Variants in BICD1 observed in about 807,000 individuals in gnomAD.
The protein encoded by BICD1 is BICD cargo adaptor 1.
A neutral mutation model predicts 92.5 loss-of-function variants in BICD1; 35 were observed. That is an observed-to-expected ratio of 0.38 (90% CI 0.29 to 0.50). The LOEUF (loss-of-function observed/expected upper bound fraction) is 0.50, where lower values mean the gene tolerates loss of function less well. BICD1 is among the 20% of genes least tolerant of loss of function. BICD1 has a pLI of 0.93. For missense variants in BICD1, 950 were observed against 1,189.8 expected, an observed-to-expected ratio of 0.80 and a Z score of 2.97; for synonymous variants, 429 against 465.1, an observed-to-expected ratio of 0.92 and a Z score of 1.00.
intron 4 of BICD1, among the ~76,000 whole-genome samples, chr12:32,315,079 T>C (rs1948465450): frequency 6.6e-6 from 1 of 152,256 alleles, no homozygotes; most frequent in Admixed American, 6.5e-5. Flanking sequence ...AAGAGTTTTA[T>C]AGTTTATCTC....
intron 1 of BICD1, among the ~76,000 whole-genome samples, chr12:32,165,390 C>A (rs1454366050): frequency 6.6e-6 from 1 of 152,142 alleles, no homozygotes; most frequent in Non-Finnish European, 1.5e-5. Context: ...GTGGCGGGCG[C>A]TTGTAGTCCC....
At chr12:32,206,680 C>G (rs1450299416) in intron 1 of BICD1, among the ~76,000 whole-genome samples, 4 of 152,146 alleles carry the variant, frequency 2.6e-5, no homozygotes, top group African/African-American at 7.2e-5. Context: ...AAGTTAAATG[C>G]CCAACAGTGT....
At chr12:32,174,887 G>A (rs1031355717) in intron 1 of BICD1, among the ~76,000 whole-genome samples, 7 of 152,168 alleles carry the variant, frequency 4.6e-5, no homozygotes, top group African/African-American at 1.4e-4. Flanking sequence ...AGCATGAAAT[G>A]TATGTATTTC....
At chr12:32,260,420 G>A (rs1349209935) in intron 2 of BICD1, among the ~76,000 whole-genome samples, 1 of 152,154 alleles carries the variant, frequency 6.6e-6, no homozygotes, top group Non-Finnish European at 1.5e-5. Context: ...TGTCTTCTCT[G>A]CAGCAGTGCC....
chr12:32,348,570 T>C (rs1277444991), intron 8 of BICD1, among the ~76,000 whole-genome samples: 1 of 151,778 alleles, frequency 6.6e-6, no homozygotes, highest in East Asian at 1.9e-4. Context: ...TTGCTGAGGA[T>C]AGCGGCCTTC....
chr12:32,346,560 ATATATATATATATATATATATACGTG>A (rs1938591843), intron 8 of BICD1, among the ~76,000 whole-genome samples: 4 of 21,158 alleles, frequency 1.9e-4, no homozygotes, highest in Admixed American at 6.1e-4. Context: ...ATATATATAT[ATATATATATATATATATATATACGTG>A]TATATATATA....
At chr12:32,255,947 T>G (rs1486034213) in intron 2 of BICD1, among the ~76,000 whole-genome samples, 1 of 152,144 alleles carries the variant, frequency 6.6e-6, no homozygotes. Context: ...TTAATGATAA[T>G]ATTATTAATT....
At chr12:32,287,535 TTTTTTTTG>T (rs1188235802) in intron 2 of BICD1, among the ~76,000 whole-genome samples, 1 of 129,598 alleles carries the variant, frequency 7.7e-6, no homozygotes, top group Non-Finnish European at 1.8e-5. Flanking sequence ...GGTGGTGTTT[TTTTTTTTG>T]TTTTTTTTTT....
Position 32,379,924 on chromosome 12 carries a change from G to A in BICD1, c.*2297G>A, listed in dbSNP as rs1233013689. 2.0e-5 allele frequency: 3 copies of A among 152,080 alleles called. No homozygotes were observed. Among genetic ancestry groups the A allele is most frequent in the African/African-American group, 7.2e-5 (3 of 41,386 alleles). The allele number at this position is 152,080 out of a possible 1,614,324, so 9.4% of individuals were successfully genotyped here. A position where few individuals can be genotyped will look rare whatever the true frequency, so the allele number is the denominator to read the frequency against. ...ATTTGCATTCTTTATCCCTAACTCT[G>A]AATCTAGGACTCCATGAAAAGCCGG... is the stretch of plus-strand genomic sequence containing the variant. On this transcript the variant is annotated 3_prime_UTR_variant, in exon 10 of 10. Coordinates refer to ENST00000652176, the MANE Select transcript of BICD1 (RefSeq NM_001714.4).
intron 2 of BICD1, among the ~76,000 whole-genome samples, chr12:32,242,302 G>T (rs549737681): frequency 6.6e-6 from 1 of 150,560 alleles, no homozygotes; most frequent in Non-Finnish European, 1.5e-5. Context: ...AAGGCAGGTG[G>T]ATCGCTTGAG....
rs142719609 is a variant in BICD1 at position 32,229,822 on chromosome 12, G to A, written c.426+13363G>A. ...TTTTAAGATGGAAGAAATAACATTTGTGAATGCTAATGGCCATGACCCCAT... is the reference window on the plus strand; with the variant it reads ...TTTTAAGATGGAAGAAATAACATTTATGAATGCTAATGGCCATGACCCCAT... On this transcript the variant is annotated intron_variant, in intron 2 of 9. Transcript: ENST00000652176. Among the ~76,000 whole-genome samples, 499 of 152,244 alleles carry A rather than the reference G, an allele frequency of 3.3e-3. 2 individuals are homozygous for A. Among genetic ancestry groups the A allele is most frequent in the African/African-American group, 0.011 (471 of 41,556 alleles).
In BICD1 at chr12:32,172,804, A is replaced by G. The variant is rs1315529929; in HGVS notation, c.214-43443A>G. 2.0e-5 allele frequency among the ~76,000 whole-genome samples: 3 copies of G among 152,194 alleles called. No individual in the cohort carries two copies. In the East Asian group the frequency reaches 5.8e-4, roughly 29 times the overall value. On this transcript the variant is annotated intron_variant, in intron 1 of 9. Coordinates refer to ENST00000652176, the MANE Select transcript of BICD1 (RefSeq NM_001714.4). ...GATCCACTGCTAAATAAGACTGATA[A>G]GGTCTTTGCTCTTAAGGAGATTCCA...
chr12:32,344,163 G>T (rs1436123752), intron 8 of BICD1, among the ~76,000 whole-genome samples: 1 of 152,176 alleles, frequency 6.6e-6, no homozygotes, highest in African/African-American at 2.4e-5. Context: ...AATTAGGATG[G>T]TTAGGAACGT....
At chr12:32,377,509 T>G in intron 9 of BICD1, 31 bp from the exon 10 acceptor site, 1 of 1,579,910 alleles carries the variant, frequency 6.3e-7, no homozygotes, top group Non-Finnish European at 8.7e-7. Context: ...GAAATGTGTT[T>G]CTTGCTGACG....
intron 5 of BICD1, among the ~76,000 whole-genome samples, chr12:32,331,628 G>A (rs1036393060): frequency 2.0e-5 from 3 of 151,990 alleles, no homozygotes; most frequent in Admixed American, 6.6e-5. Context: ...TAATGATTCC[G>A]TGGCTGAAAC....
intron 2 of BICD1, among the ~76,000 whole-genome samples, chr12:32,246,129 A>G (rs575308665): frequency 8.6e-5 from 13 of 151,684 alleles, no homozygotes; most frequent in Admixed American, 5.9e-4. Flanking sequence ...TTGGGTTAAA[A>G]CAAGTTTTAA....
At chr12:32,187,823 C>T (rs12812744) in intron 1 of BICD1, among the ~76,000 whole-genome samples, 2 of 152,234 alleles carry the variant, frequency 1.3e-5, no homozygotes, top group African/African-American at 4.8e-5. Context: ...CCTCCCACAT[C>T]ACACAATATA....
In BICD1 at chr12:32,306,044, G is replaced by C. The variant is rs762037904; in HGVS notation, c.927G>C (p.Glu309Asp). 2.5e-6 allele frequency: 4 copies of C among 1,614,136 alleles called. No individual in the cohort carries two copies. The South Asian group carries it at 4.4e-5, about 18-fold the overall frequency. The part of the protein sequence containing the change: ...DYRTPTLRKG[E>D]SLNPVSDLFS... ...GGACTCCCACCTTAAGGAAAGGAGA[G>C]TCTCTGAACCCTGTCTCTGACTTAT... is the stretch of plus-strand genomic sequence containing the variant. The change falls in exon 4 of 10, where the codon GAG (glutamate) becomes GAC (aspartate). Residue 309 changes from glutamate to aspartate, a missense_variant. Physicochemically the swap from Glu to Asp is conservative, Grantham distance 45. Around this residue, in one of 5 missense-constraint regions of BICD1, gnomAD observed 246 missense variants for 258.4 expected, o/e 0.95. Coordinates refer to ENST00000652176, the MANE Select transcript of BICD1 (RefSeq NM_001714.4).
At position 32,379,714 on chromosome 12, in the gene BICD1, T is replaced by C. The variant is rs923150348; in HGVS notation, c.*2087T>C. On this transcript the variant is annotated 3_prime_UTR_variant, in exon 10 of 10. Transcript: ENST00000652176. ...ACGTATTTGGACCTGAGAAGTGGCA[T>C]AGCTGCTAAGTTGACTTTTAATAAA... 7.9e-5 allele frequency: 12 copies of C among 152,324 alleles called. No homozygotes were observed. The highest frequency in any genetic ancestry group is 2.9e-4 in the African/African-American group (12 of 41,576). The allele number at this position is 152,324 out of a possible 1,614,324, so 9.4% of individuals were successfully genotyped here.
Sources: gnomAD v4.1 joint callset for allele counts (sites outside exome capture counted in the v4.1 genomes callset) on GRCh38, gnomAD v4.1.1 for gene constraint, gnomAD v4.1.1 regional missense constraint, MANE v1.5 for transcripts, NCBI Gene and HGNC (gene_info 2026-07-23, HGNC 2026-07-21) for gene names.